CTNNA2: variants seen among roughly 807,000 people sequenced by gnomAD.
CTNNA2 encodes catenin alpha-2.
Under a neutral mutation model 101.0 loss-of-function variants are expected in CTNNA2, and 42 were observed. That is an observed-to-expected ratio of 0.42 (90% CI 0.32 to 0.54). The LOEUF (loss-of-function observed/expected upper bound fraction) is 0.54, where lower values mean the gene tolerates loss of function less well. Ranked by LOEUF, CTNNA2 falls within the 20% of genes least tolerant of loss-of-function variation. The pLI is 0.14. For synonymous variants in CTNNA2, 450 were observed against 456.4 expected (o/e 0.99, Z 0.18); for missense variants, 871 against 1,223.1 (o/e 0.71, Z 4.29).
At chr2:79,354,190 C>T (rs1451524077) in intron 3 of CTNNA2, among the ~76,000 whole-genome samples, 3 of 152,052 alleles carry the variant, frequency 2.0e-5, no homozygotes, top group African/African-American at 7.2e-5. Flanking sequence ...CACAAGGGTT[C>T]TCCGAATTTC....
chr2:80,115,739 G>A (rs1450876659), intron 7 of CTNNA2, among the ~76,000 whole-genome samples: 1 of 152,176 alleles, frequency 6.6e-6, no homozygotes, highest in African/African-American at 2.4e-5. Flanking sequence ...GCAGAGCACA[G>A]CCACGTGGAA....
At chr2:79,818,461 C>G (rs1392220815) in intron 3 of CTNNA2, among the ~76,000 whole-genome samples, 1 of 151,610 alleles carries the variant, frequency 6.6e-6, no homozygotes, top group Non-Finnish European at 1.5e-5. Flanking sequence ...TACAGGCGCC[C>G]GCCACCATGC....
At chr2:79,956,236 T>G (rs1469443626) in intron 7 of CTNNA2, among the ~76,000 whole-genome samples, 1 of 152,180 alleles carries the variant, frequency 6.6e-6, no homozygotes, top group Non-Finnish European at 1.5e-5. Flanking sequence ...AAAATTTTGC[T>G]TAAAATTTTA....
intron 7 of CTNNA2, among the ~76,000 whole-genome samples, chr2:80,095,355 A>G (rs866579565): frequency 1.2e-4 from 19 of 152,300 alleles, no homozygotes; most frequent in Middle Eastern, 3.4e-3. Flanking sequence ...GATGAAGCCC[A>G]CTTGATCATG....
intron 7 of CTNNA2, among the ~76,000 whole-genome samples, chr2:79,914,277 G>A (rs1191978463): frequency 1.3e-5 from 2 of 151,648 alleles, no homozygotes; most frequent in East Asian, 1.9e-4. Context: ...TTGTTTCAAC[G>A]TTGTATCACC....
At chr2:79,623,795 G>A (rs1479574159) in intron 1 of CTNNA2, among the ~76,000 whole-genome samples, 1 of 152,108 alleles carries the variant, frequency 6.6e-6, no homozygotes, top group East Asian at 1.9e-4. Context: ...AAGAAAATCA[G>A]TTTAGGTCAA....
intron 3 of CTNNA2, among the ~76,000 whole-genome samples, chr2:79,842,966 C>T (rs1679939364): frequency 6.6e-6 from 1 of 152,148 alleles, no homozygotes; most frequent in African/African-American, 2.4e-5. Context: ...AAGAGATCCA[C>T]ACAGAGTATG....
chr2:79,654,872 C>A (rs977404341), intron 2 of CTNNA2, among the ~76,000 whole-genome samples: 1 of 152,084 alleles, frequency 6.6e-6, no homozygotes, highest in Non-Finnish European at 1.5e-5. Flanking sequence ...TACCCTGTGG[C>A]CTAGGGTTGA....
intron 7 of CTNNA2, among the ~76,000 whole-genome samples, chr2:80,061,176 AT>A (rs1349920653): frequency 2.0e-5 from 3 of 152,230 alleles, no homozygotes; most frequent in African/African-American, 7.2e-5. Flanking sequence ...ATATGTAATC[AT>A]TAAAATTTTT....
At chr2:79,592,654 A>G (rs1676938752) in intron 1 of CTNNA2, among the ~76,000 whole-genome samples, 2 of 152,190 alleles carry the variant, frequency 1.3e-5, no homozygotes, top group South Asian at 4.1e-4. Context: ...GGCTTGTGGC[A>G]TGTAATGCTA....
At chr2:79,849,030 G>A (rs1247600355) in intron 3 of CTNNA2, among the ~76,000 whole-genome samples, 1 of 152,132 alleles carries the variant, frequency 6.6e-6, no homozygotes, top group African/African-American at 2.4e-5. Context: ...TGTGTGAGAT[G>A]AGAAAGGGGT....
chr2:80,057,666 C>G (rs1308783119), intron 7 of CTNNA2, among the ~76,000 whole-genome samples: 2 of 152,172 alleles, frequency 1.3e-5, no homozygotes, highest in African/African-American at 4.8e-5. Flanking sequence ...CTGAGCCCAG[C>G]CTTTCTTTTG....
intron 9 of CTNNA2, among the ~76,000 whole-genome samples, chr2:80,454,696 G>A (rs1030693807): frequency 2.6e-5 from 4 of 152,262 alleles, no homozygotes; most frequent in South Asian, 2.1e-4. Context: ...TAGTTCTGCC[G>A]GGCAGCATGC....
intron 2 of CTNNA2, among the ~76,000 whole-genome samples, chr2:79,199,730 C>G (rs1020041294): frequency 2.0e-5 from 3 of 152,110 alleles, no homozygotes; most frequent in Non-Finnish European, 4.4e-5. Flanking sequence ...AGTCCAAGAA[C>G]AAGGTGCCAG....
intron 3 of CTNNA2, among the ~76,000 whole-genome samples, chr2:79,364,204 T>C (rs1677693695): frequency 6.6e-6 from 1 of 152,180 alleles, no homozygotes. Flanking sequence ...ACTTATCCTC[T>C]GCCAAGAAAA....
chr2:79,235,151 C>T (rs1450824109), intron 2 of CTNNA2, among the ~76,000 whole-genome samples: 2 of 152,280 alleles, frequency 1.3e-5, no homozygotes, highest in East Asian at 3.9e-4. Flanking sequence ...TGTGGAAGGG[C>T]TGACATTCTT....
chr2:80,014,687 C>G (rs892673304), intron 7 of CTNNA2, among the ~76,000 whole-genome samples: 2 of 152,174 alleles, frequency 1.3e-5, no homozygotes, highest in African/African-American at 2.4e-5. Flanking sequence ...CTCTTTTTCT[C>G]TCTCCCTCTC....
At chr2:79,273,324 T>G (rs1435739008) in intron 2 of CTNNA2, among the ~76,000 whole-genome samples, 1 of 152,034 alleles carries the variant, frequency 6.6e-6, no homozygotes, top group Non-Finnish European at 1.5e-5. Context: ...AATTAATCCT[T>G]TTTCCATTTG....
intron 7 of CTNNA2, among the ~76,000 whole-genome samples, chr2:79,970,905 A>T (rs1174599342): frequency 6.6e-6 from 1 of 152,176 alleles, no homozygotes; most frequent in Non-Finnish European, 1.5e-5. Context: ...CTGTGATTTG[A>T]CAACATTATT....
Sources: allele counts gnomAD v4.1 joint callset (sites outside exome capture counted in the v4.1 genomes callset), GRCh38; gene constraint gnomAD v4.1.1; transcripts MANE v1.5; gene names NCBI Gene and HGNC (gene_info 2026-07-23, HGNC 2026-07-21).